The following STIM2 variants were observed in gnomAD, a reference collection of about 807,000 sequenced individuals.
The protein encoded by STIM2 is stromal interaction molecule 2.
In STIM2, 31 loss-of-function variants were observed where a neutral mutation model predicts 85.8. The ratio of observed to expected loss-of-function variants is 0.36; its 90% CI spans 0.27 to 0.49. The LOEUF (loss-of-function observed/expected upper bound fraction) is 0.49, where lower values mean the gene tolerates loss of function less well. STIM2 is among the 20% of genes least tolerant of loss of function. STIM2 has a pLI of 0.98. For synonymous variants in STIM2, 356 were observed against 331.1 expected (o/e 1.08, Z -0.82); for missense variants, 841 against 927.6 (o/e 0.91, Z 1.21).
chr4:26,900,370 T>TCC (rs1723873617), intron 1 of STIM2, among the ~76,000 whole-genome samples: 1 of 152,186 alleles, frequency 6.6e-6, no homozygotes, highest in Admixed American at 6.5e-5. Flanking sequence ...TACATGACAT[T>TCC]AGGGGGAAAG....
Position 26,868,351 on chromosome 4 carries a change from T to C in STIM2, c.151+6982T>C, listed in dbSNP as rs541809342. Reference sequence around the variant, plus strand: ...ACCTCTGTGTAACTTTTTTCTCTAGTCATTTTCATTTTCTCTACCTCTTTT... The same window carrying C: ...ACCTCTGTGTAACTTTTTTCTCTAGCCATTTTCATTTTCTCTACCTCTTTT... On this transcript the variant is annotated intron_variant, in intron 1 of 11. Coordinates refer to ENST00000467087, the MANE Select transcript of STIM2 (RefSeq NM_020860.4). 2.6e-5 allele frequency among the ~76,000 whole-genome samples: 4 copies of C among 152,334 alleles called. 1 individual carries two copies. The highest frequency in any genetic ancestry group is 2.6e-4 in the Admixed American group (4 of 15,304).
rs532636994 is a variant in STIM2, at chr4:26,940,600, C to G, written c.283-17012C>G. Among the ~76,000 whole-genome samples, 7 of 152,170 alleles carry G rather than the reference C, an allele frequency of 4.6e-5. No homozygotes were observed. The South Asian group carries it at 8.3e-4, about 18-fold the overall frequency. On this transcript the variant is annotated intron_variant, in intron 2 of 11. Transcript: ENST00000467087. ...CTACAACGGAGGCTTAGTGCTCCAG[C>G]CTTATCTTTGTTTGCTGCTTTGTCT...
chr4:26,879,569 A>G (rs2109034954), intron 1 of STIM2, among the ~76,000 whole-genome samples: 1 of 152,332 alleles, frequency 6.6e-6, no homozygotes, highest in Non-Finnish European at 1.5e-5. Context: ...TAATTCTCCC[A>G]ACAACTCTAT....
intron 2 of STIM2, among the ~76,000 whole-genome samples, chr4:26,942,112 G>C (rs947292071): frequency 6.6e-6 from 1 of 152,100 alleles, no homozygotes; most frequent in Non-Finnish European, 1.5e-5. Flanking sequence ...TACGATTGGG[G>C]TTGGGAAGTT....
chr4:26,993,435 A>AT (rs1450814850), intron 3 of STIM2, among the ~76,000 whole-genome samples: 2 of 152,122 alleles, frequency 1.3e-5, no homozygotes, highest in Non-Finnish European at 2.9e-5. Flanking sequence ...TTTGTGGTTT[A>AT]TTTAAGCTTT....
At chr4:26,907,531 T>C (rs574699166) in intron 1 of STIM2, among the ~76,000 whole-genome samples, 7 of 152,306 alleles carry the variant, frequency 4.6e-5, no homozygotes, top group African/African-American at 1.7e-4. Flanking sequence ...ACTTGGAAAA[T>C]AGTTTCCTTA....
At chr4:26,869,977 TAAA>T (rs1189404073) in intron 1 of STIM2, among the ~76,000 whole-genome samples, 1 of 151,874 alleles carries the variant, frequency 6.6e-6, no homozygotes, top group Non-Finnish European at 1.5e-5. Context: ...TATTCAGCAT[TAAA>T]AAAGAAGAAA....
chr4:26,986,806 TAAAAAC>T (rs1727601076), intron 3 of STIM2, among the ~76,000 whole-genome samples: 1 of 152,192 alleles, frequency 6.6e-6, no homozygotes, highest in South Asian at 2.1e-4. Flanking sequence ...AATTGATAAT[TAAAAAC>T]AAAACAAAAC....
intron 2 of STIM2, among the ~76,000 whole-genome samples, chr4:26,944,160 C>G (rs1250997892): frequency 1.3e-5 from 2 of 152,038 alleles, no homozygotes; most frequent in Non-Finnish European, 2.9e-5. Context: ...CATGGTTCCA[C>G]AGTCTAATCT....
At chr4:26,885,543 G>T (rs1461374979) in intron 1 of STIM2, among the ~76,000 whole-genome samples, 2 of 151,910 alleles carry the variant, frequency 1.3e-5, no homozygotes, top group Admixed American at 6.6e-5. Context: ...GAAAATAGGG[G>T]TATCAAGGCT....
In STIM2 at chr4:26,977,473, C is replaced by A. The variant is rs865893815; in HGVS notation, c.398-17906C>A. On this transcript the variant is annotated intron_variant, in intron 3 of 11. Coordinates refer to ENST00000467087, the MANE Select transcript of STIM2 (RefSeq NM_020860.4). ...GTAATTACTGTGTGAATATTAGACT[C>A]TTGAGGAGAAGGGGTCAGGAGTAGA... Among the ~76,000 whole-genome samples, 11 of 152,250 alleles carry A rather than the reference C, an allele frequency of 7.2e-5. No individual in the cohort carries two copies. The South Asian group carries it at 8.3e-4, about 11-fold the overall frequency.
At chr4:26,948,898 A>T (rs1171474873) in intron 2 of STIM2, among the ~76,000 whole-genome samples, 1 of 152,154 alleles carries the variant, frequency 6.6e-6, no homozygotes, top group Non-Finnish European at 1.5e-5. Flanking sequence ...TTGTTAGAAG[A>T]TTCTTGTTAG....
intron 2 of STIM2, among the ~76,000 whole-genome samples, chr4:26,943,456 T>G (rs1429026831): frequency 6.6e-6 from 1 of 152,172 alleles, no homozygotes; most frequent in Non-Finnish European, 1.5e-5. Flanking sequence ...TTTTGGCCAG[T>G]GGAAACTTAC....
chr4:26,974,720 G>C (rs1727113852), intron 3 of STIM2, among the ~76,000 whole-genome samples: 1 of 152,114 alleles, frequency 6.6e-6, no homozygotes, highest in South Asian at 2.1e-4. Context: ...GCGTCTTGGT[G>C]TTGCTCTTCT....
chr4:26,862,315 A>G (rs528595162), intron 1 of STIM2, among the ~76,000 whole-genome samples: 2 of 80,044 alleles, frequency 2.5e-5, no homozygotes, highest in South Asian at 4.6e-4. Context: ...AGCTAAAATA[A>G]TGGTTTTTTT....
At chr4:27,016,809 A>G (rs972269812) in intron 10 of STIM2, among the ~76,000 whole-genome samples, 13 of 152,200 alleles carry the variant, frequency 8.5e-5, no homozygotes, top group African/African-American at 3.1e-4. Context: ...AAGGGCCAGT[A>G]AGAGAGAGAA....
At chr4:26,933,946 C>G (rs902833742) in intron 2 of STIM2, among the ~76,000 whole-genome samples, 1 of 152,120 alleles carries the variant, frequency 6.6e-6, no homozygotes, top group African/African-American at 2.4e-5. Context: ...GTAATCCCAG[C>G]ACTTTGGGAG....
At chr4:26,918,933 C>G (rs1368706728) in intron 1 of STIM2, among the ~76,000 whole-genome samples, 1 of 152,012 alleles carries the variant, frequency 6.6e-6, no homozygotes, top group African/African-American at 2.4e-5. Context: ...ATAGTTGAAC[C>G]TAAGAACTTA....
rs540944530 is a variant in STIM2 at position 26,917,521 on chromosome 4, TGA to T, written c.152-1975_152-1974del. 4.2e-3 allele frequency among the ~76,000 whole-genome samples: 637 copies of T among 152,280 alleles called. 4 individuals carry two copies. Among genetic ancestry groups the T allele is most frequent in the Non-Finnish European group, 7.1e-3 (483 of 67,996 alleles). On this transcript the variant is annotated intron_variant, in intron 1 of 11. Transcript: ENST00000467087. ...AAGTATTAACATCTTGAAGTAGACT[TGA>T]GAGAGAGTATTTTATTAGATTAGCT...
Sources: gnomAD v4.1 joint callset for allele counts (sites outside exome capture counted in the v4.1 genomes callset) on GRCh38, gnomAD v4.1.1 for gene constraint, MANE v1.5 for transcripts, NCBI Gene and HGNC (gene_info 2026-07-23, HGNC 2026-07-21) for gene names.